Variants in FAM83H observed in about 807,000 individuals in gnomAD.
The protein encoded by FAM83H is scaffolding CK1 anchoring protein H, also known as protein FAM83H.
In FAM83H, 24 loss-of-function variants were observed where a neutral mutation model predicts 30.2. That is an observed-to-expected ratio of 0.79 (90% CI 0.57 to 1.12). The LOEUF (loss-of-function observed/expected upper bound fraction) is 1.12, where lower values mean the gene tolerates loss of function less well. Among genes scored for constraint, FAM83H ranks in the 50% most tolerant of loss-of-function variants. The pLI, the probability that FAM83H is intolerant of heterozygous loss-of-function variation, is 0.00. For missense variants in FAM83H, 2,038 were observed against 1,773.9 expected, an observed-to-expected ratio of 1.15 and a Z score of -2.67; for synonymous variants, 1,013 against 821.7, an observed-to-expected ratio of 1.23 and a Z score of -3.98.
In FAM83H at chr8:143,727,928, C is replaced by T. The variant is rs1554622971; in HGVS notation, c.1533G>A (p.Val511=). ...GPDGHQRLDY[V]PSSASREVRH... ...GCACCTCGCGGGACGCGCTGGACGG[C>T]ACGTAGTCCAGCCGCTGGTGCCCGT... The change falls in exon 5 of 5, where the codon GTG becomes GTA. Residue 511 remains valine (V), a synonymous_variant. Transcript: ENST00000388913. 2 of 1,535,636 alleles carry T rather than the reference C, an allele frequency of 1.3e-6. No homozygotes were observed. Among genetic ancestry groups the T allele is most frequent in the Non-Finnish European group, 1.7e-6 (2 of 1,147,438 alleles).
At position 143,727,119 on chromosome 8, in the gene FAM83H, C is replaced by G; in HGVS notation, c.2342G>C (p.Gly781Ala). ...GCAGCTCTCGAGGCTGCGGCGCTCG[C>G]CCCCCACGGCACCTGGGGCCGCCAC... is the stretch of plus-strand genomic sequence containing the variant. ...EEVAAPGAVGGERRSLESCLL... is the reference protein window; with the variant it reads ...EEVAAPGAVGAERRSLESCLL... The change falls in exon 5 of 5, where the codon GGC becomes GCC. Residue 781 changes from glycine (G) to alanine (A), a missense_variant. Physicochemically the swap from Gly to Ala is moderately conservative, Grantham distance 60. Transcript: ENST00000388913. 1 of 1,534,972 alleles carries G rather than the reference C, an allele frequency of 6.5e-7. No individual in the cohort carries two copies. Among genetic ancestry groups the G allele is most frequent in the Non-Finnish European group, 8.7e-7 (1 of 1,146,558 alleles).
Position 143,733,390 on chromosome 8 carries a change from C to T in FAM83H, c.-16+301G>A, listed in dbSNP as rs1221833014. Among the ~76,000 whole-genome samples the T allele has an allele frequency of 6.6e-6, 1 of 152,198 alleles. No individual in the cohort carries two copies. Among genetic ancestry groups the T allele is most frequent in the Non-Finnish European group, 1.5e-5 (1 of 68,016 alleles). ...TCCAGCTAGGCCGCGAGGGCGGGAGCGAGTCGGGACGGCCGGGCAGGCTCG... is the reference window on the plus strand; with the variant it reads ...TCCAGCTAGGCCGCGAGGGCGGGAGTGAGTCGGGACGGCCGGGCAGGCTCG... On this transcript the variant is annotated intron_variant, in intron 1 of 4. Coordinates refer to ENST00000388913, the MANE Select transcript of FAM83H (RefSeq NM_198488.5). This position sits in a 1 kb window ranked among gnomAD's most constrained non-coding sequence, Gnocchi z 5.6.
rs1818354609 is a variant in FAM83H, at chr8:143,727,696, C to T, written c.1765G>A (p.Gly589Ser). The change falls in exon 5 of 5, where the codon GGC becomes AGC. Residue 589 changes from glycine to serine, a missense_variant. By Grantham distance (56) the Gly-to-Ser change is moderately conservative. Coordinates refer to ENST00000388913, the MANE Select transcript of FAM83H (RefSeq NM_198488.5). ...RRWRLASYLS[G>S]CHGEDGGDDG... ...TCGCCCCCATCCTCGCCGTGGCAGC[C>T]GCTCAAGTAGGAGGCCAAACGCCAG... is the stretch of plus-strand genomic sequence containing the variant. 2 of 1,558,302 alleles carry T rather than the reference C, an allele frequency of 1.3e-6. No individual in the cohort carries two copies. The highest frequency in any genetic ancestry group is 1.2e-5 in the South Asian group (1 of 86,350).
Position 143,728,149 on chromosome 8 carries a change from C to G in FAM83H, c.1312G>C (p.Gly438Arg). The change falls in exon 5 of 5, where the codon GGC becomes CGC. Residue 438 changes from glycine (G) to arginine (R), a missense_variant. Physicochemically the swap from Gly to Arg is moderately radical, Grantham distance 125 (BLOSUM62 -2). Transcript: ENST00000388913. ...QVSRQTFLSH[G>R]DDFRFQTSHF... The stretch of plus-strand genomic sequence containing the variant: ...CTGGTCTGGAAGCGGAAGTCGTCGC[C>G]GTGGCTGAGGAACGTCTGCCGCGAC... 1 of 1,609,134 alleles carries G rather than the reference C, an allele frequency of 6.2e-7. No individual in the cohort carries two copies. The highest frequency in any genetic ancestry group is 8.5e-7 in the Non-Finnish European group (1 of 1,179,190).
At position 143,727,410 on chromosome 8, in the gene FAM83H, G is replaced by A; in HGVS notation, c.2051C>T (p.Ser684Phe). ...CTGTGACGTGCTGAAGATGAGCGAG[G>A]AGCGCAGCCTGGAGCTGCGCTGGAC... Reference protein sequence around the residue: ...PLVQRSSRLRSSLIFSTSQAE... With the variant: ...PLVQRSSRLRFSLIFSTSQAE... The change falls in exon 5 of 5, where the codon TCC becomes TTC. Residue 684 changes from serine to phenylalanine, a missense_variant. By Grantham distance (155) the Ser-to-Phe change is radical. Transcript: ENST00000388913. 6.4e-7 allele frequency: 1 copy of A among 1,571,846 alleles called. No individual in the cohort carries two copies. Among genetic ancestry groups the A allele is most frequent in the Non-Finnish European group, 8.6e-7 (1 of 1,166,828 alleles).
rs374210320 is a variant in FAM83H, at chr8:143,728,078, G to A, written c.1383C>T (p.Asp461=). Residue 461 remains aspartate, a synonymous_variant, in exon 5 of 5, where the codon GAC becomes GAT. Coordinates refer to ENST00000388913, the MANE Select transcript of FAM83H (RefSeq NM_198488.5). The part of the protein sequence containing the change: ...DQLYQQQYQW[D]PQLTPARPQG... Reference sequence around the variant, plus strand: ...GCGGGCGCGCCGGCGTGAGCTGCGGGTCCCACTGGTACTGCTGCTGGTAGA... The same window carrying A: ...GCGGGCGCGCCGGCGTGAGCTGCGGATCCCACTGGTACTGCTGCTGGTAGA... 2.0e-5 allele frequency: 33 copies of A among 1,610,520 alleles called. No individual in the cohort carries two copies. Among genetic ancestry groups the A allele is most frequent in the Middle Eastern group, 1.7e-4 (1 of 6,018 alleles).
Position 143,725,170 on chromosome 8 carries a change from G to T in FAM83H, c.*751C>A, listed in dbSNP as rs1818241523. 2 of 122,958 alleles carry T rather than the reference G, an allele frequency of 1.6e-5. 1 individual carries two copies. Among genetic ancestry groups the T allele is most frequent in the Non-Finnish European group, 3.6e-5 (2 of 55,650 alleles). The allele number at this position is 122,958 out of a possible 1,614,324, so 7.6% of individuals were successfully genotyped here. ...GAGGGGGGAGACGGGGGGGGGGGGG[G>T]GGGAGGGAAGGAGGAGACCTTGAGA... On this transcript the variant is annotated 3_prime_UTR_variant, in exon 5 of 5. Transcript: ENST00000388913.
chr8:143,729,376 T>C, intron 2 of FAM83H, 53 bp from the exon 3 acceptor site: 1 of 1,601,022 alleles, frequency 6.2e-7, no homozygotes, highest in East Asian at 2.2e-5. Flanking sequence ...CCCCACACCA[T>C]TGTCCAGCCT....
At position 143,728,613 on chromosome 8, in the gene FAM83H, G is replaced by T. The variant is rs1267051470; in HGVS notation, c.848C>A (p.Pro283Gln). The change falls in exon 5 of 5, where the codon CCG becomes CAG. Residue 283 changes from proline to glutamine, a missense_variant. Coordinates refer to ENST00000388913, the MANE Select transcript of FAM83H (RefSeq NM_198488.5). ...EFRILFAQSE[P>Q]LVPSAAALAR... Reference sequence around the variant, plus strand: ...CAGGGCCGCGGCCGAGGGCACAAGCGGCTCGGACTGCGCGAAGAGGATGCG... The same window carrying T: ...CAGGGCCGCGGCCGAGGGCACAAGCTGCTCGGACTGCGCGAAGAGGATGCG... The T allele has an allele frequency of 6.2e-7, 1 of 1,609,592 alleles. No homozygotes were observed. The highest frequency in any genetic ancestry group is 1.3e-5 in the African/African-American group (1 of 74,906).
rs1168377418 is a variant in FAM83H at position 143,733,652 on chromosome 8, T to TCGCCC, written c.-16+34_-16+38dup. ...CGCCAAGGGGCGCCCGCCCCCCGCC[T>TCGCCC]CGCCCCGCCCCGCTCGGGCCGGGGG... On this transcript the variant is annotated intron_variant, in intron 1 of 4. Coordinates refer to ENST00000388913, the MANE Select transcript of FAM83H (RefSeq NM_198488.5). This position sits in a 1 kb window ranked among gnomAD's most constrained non-coding sequence, Gnocchi z 5.6. 2 of 149,338 alleles carry TCGCCC rather than the reference T, an allele frequency of 1.3e-5. No homozygotes were observed. Among genetic ancestry groups the TCGCCC allele is most frequent in the African/African-American group, 2.5e-5 (1 of 40,610 alleles). The allele number at this position is 149,338 out of a possible 1,614,324, so 9.3% of individuals were successfully genotyped here. A position where few individuals can be genotyped will look rare whatever the true frequency, so the allele number is the denominator to read the frequency against.
chr8:143,727,224 C>T lies in FAM83H; in HGVS notation c.2237G>A (p.Arg746His), dbSNP rs1554622409. The T allele has an allele frequency of 1.1e-5, 17 of 1,533,722 alleles. No individual in the cohort carries two copies. The highest frequency in any genetic ancestry group is 1.4e-5 in the African/African-American group (1 of 72,936). ...GGCGCCCGCGCCGCCGCCGGGATCA[C>T]GGGCTGGGCCCTTGTACTTCTCCAG... ...ELLEKYKGPARDPGGGAGAIT... is the reference protein window; with the variant it reads ...ELLEKYKGPAHDPGGGAGAIT... The change falls in exon 5 of 5, where the codon CGT becomes CAT. Residue 746 changes from arginine (R) to histidine (H), a missense_variant. Transcript: ENST00000388913.
Position 143,727,822 on chromosome 8 carries a change from G to T in FAM83H, c.1639C>A (p.Arg547Ser), listed in dbSNP as rs782349627. 5.3e-6 allele frequency: 7 copies of T among 1,328,738 alleles called. No homozygotes were observed. In the African/African-American group the frequency reaches 6.3e-5, roughly 12 times the overall value. 82.3% of individuals were successfully genotyped at this position (1,328,738 alleles called of 1,614,324 possible). ...CTCGCCGCGGCCTGGCATGGGAAGCGCTGGGTCAGGTTGGGGCGCGGGGCT... is the reference window on the plus strand; with the variant it reads ...CTCGCCGCGGCCTGGCATGGGAAGCTCTGGGTCAGGTTGGGGCGCGGGGCT... ...SGAPRPNLTQRFPCQAAARPG... is the reference protein window; with the variant it reads ...SGAPRPNLTQSFPCQAAARPG... Residue 547 changes from arginine (R) to serine (S), a missense_variant, in exon 5 of 5, where the codon CGC (arginine) becomes AGC (serine). Transcript: ENST00000388913.
At chr8:143,728,823 C>G in intron 4 of FAM83H, 100 bp from the exon 5 acceptor site, 2 of 1,596,250 alleles carry the variant, frequency 1.3e-6, no homozygotes, top group Non-Finnish European at 1.7e-6. Context: ...GATGTGAGGT[C>G]TGCAAGGACC....
Position 143,726,768 on chromosome 8 carries a change from A to T in FAM83H, c.2693T>A (p.Ile898Asn). The T allele has an allele frequency of 6.2e-7, 1 of 1,611,430 alleles. No homozygotes were observed. The highest frequency in any genetic ancestry group is 8.5e-7 in the Non-Finnish European group (1 of 1,179,298). ...TGAGGTGGGGCTCCCCTTCTGCTCG[A>T]TAAATCCTGTAGTTGGACTTCCTCT... Reference protein sequence around the residue: ...TRRGSPTTGFIEQKGSPTSAY... With the variant: ...TRRGSPTTGFNEQKGSPTSAY... The change falls in exon 5 of 5, where the codon ATC (isoleucine) becomes AAC (asparagine). Residue 898 changes from isoleucine (I) to asparagine (N), a missense_variant. Transcript: ENST00000388913.
At chr8:143,730,019 C>A in intron 2 of FAM83H, 117 bp downstream of exon 2, 1 of 949,780 alleles carries the variant, frequency 1.1e-6, no homozygotes, top group Non-Finnish European at 1.5e-6. Context: ...CAGGGACCCC[C>A]ACTCCAGCTG....
rs782626158 is a variant in FAM83H at position 143,727,305 on chromosome 8, A to T, written c.2156T>A (p.Leu719Gln). The change falls in exon 5 of 5, where the codon CTG (leucine) becomes CAG (glutamine). Residue 719 changes from leucine (L) to glutamine (Q), a missense_variant. Physicochemically the swap from Leu to Gln is moderately radical, Grantham distance 113. Transcript: ENST00000388913. ...GCGCACGGCCTCTCCGCCGGGCCCC[A>T]GCGTCTCGCTGACCGTCTGCTCCTT... ...LHKEQTVSETLGPGGEAVRSA... is the reference protein window; with the variant it reads ...LHKEQTVSETQGPGGEAVRSA... 1.6e-5 allele frequency: 24 copies of T among 1,542,164 alleles called. No homozygotes were observed. The highest frequency in any genetic ancestry group is 5.4e-5 in the African/African-American group (4 of 73,472).
rs1554621982 is a variant in FAM83H, at chr8:143,726,683, C to T, written c.2778G>A (p.Pro926=). ...CCCTGCGCTCCGGCACGGGGGGCACCGGACTGCTCCTGCGCTCCGGCACGG... is the reference window on the plus strand; with the variant it reads ...CCCTGCGCTCCGGCACGGGGGGCACTGGACTGCTCCTGCGCTCCGGCACGG... ...VPPVPERRSS[P]VPPVPERRGS... The change falls in exon 5 of 5, where the codon CCG becomes CCA. Residue 926 remains proline, a synonymous_variant. Coordinates refer to ENST00000388913, the MANE Select transcript of FAM83H (RefSeq NM_198488.5). The T allele has an allele frequency of 1.3e-6, 2 of 1,597,874 alleles. No individual in the cohort carries two copies. Among genetic ancestry groups the T allele is most frequent in the East Asian group, 2.2e-5 (1 of 44,634 alleles).
Position 143,725,930 on chromosome 8 carries a change from G to T in FAM83H, c.3531C>A (p.Ser1177Arg). 6.2e-7 allele frequency: 1 copy of T among 1,612,954 alleles called. No individual in the cohort carries two copies. Among genetic ancestry groups the T allele is most frequent in the Non-Finnish European group, 8.5e-7 (1 of 1,179,944 alleles). ...TGCCAGGCCAGAAGACTCACTTCTT[G>T]CTTTTGAACGTGCCCAGGATCTTGG... ...FVPKILGTFK[S>R]KK The change falls in exon 5 of 5, where the codon AGC (serine) becomes AGA (arginine). Residue 1177 changes from serine to arginine, a missense_variant. Transcript: ENST00000388913.
chr8:143,726,396 C>T lies in FAM83H; in HGVS notation c.3065G>A (p.Arg1022His), dbSNP rs1234171848. ...GGCGTTGGCCGTGGCTGAGGACAGGCGCGCCCGCGGACCCCGCTCTTCTGT... is the reference window on the plus strand; with the variant it reads ...GGCGTTGGCCGTGGCTGAGGACAGGTGCGCCCGCGGACCCCGCTCTTCTGT... ...AATEERGPRA[R>H]LSSATANALY... The change falls in exon 5 of 5, where the codon CGC becomes CAC. Residue 1022 changes from arginine to histidine, a missense_variant. Physicochemically the swap from Arg to His is conservative, Grantham distance 29 (BLOSUM62 0). Coordinates refer to ENST00000388913, the MANE Select transcript of FAM83H (RefSeq NM_198488.5). 5 of 1,607,382 alleles carry T rather than the reference C, an allele frequency of 3.1e-6. No individual in the cohort carries two copies. Among genetic ancestry groups the T allele is most frequent in the Non-Finnish European group, 3.4e-6 (4 of 1,178,410 alleles).
Sources: allele counts gnomAD v4.1 joint callset (sites outside exome capture counted in the v4.1 genomes callset), GRCh38; gene constraint gnomAD v4.1.1; non-coding constraint Gnocchi (gnomAD v3.1); transcripts MANE v1.5; gene names NCBI Gene and HGNC (gene_info 2026-07-23, HGNC 2026-07-21).